The following ROCK1 variants were observed in gnomAD, a reference collection of about 807,000 sequenced individuals.
The protein encoded by ROCK1 is rho-associated protein kinase 1.
In ROCK1, 36 loss-of-function variants were observed where a neutral mutation model predicts 196.8. The observed-to-expected ratio is 0.18, with a 90% CI of 0.14 to 0.24. ROCK1 has a LOEUF of 0.24. Among genes scored for constraint, ROCK1 ranks in the 10% least tolerant of loss-of-function variants. The pLI is 1.00. For missense variants in ROCK1, 920 were observed against 1,562.0 expected (o/e 0.59, Z 6.93); for synonymous variants, 443 against 515.9 (o/e 0.86, Z 1.91).
At chr18:21,057,775 T>C (rs1394639065) in intron 2 of ROCK1, among the ~76,000 whole-genome samples, 1 of 152,080 alleles carries the variant, frequency 6.6e-6, no homozygotes, top group Admixed American at 6.5e-5. Flanking sequence ...AAGCCGAGTT[T>C]GGGCCACTGC....
At position 21,032,506 on chromosome 18, in the gene ROCK1, G is replaced by GTTTTTTTTTTT. The variant is rs368055407; in HGVS notation, c.1052-3582_1052-3572dup. Among the ~76,000 whole-genome samples, 377 of 129,162 alleles carry GTTTTTTTTTTT rather than the reference G, an allele frequency of 2.9e-3. 4 individuals carry two copies. Among genetic ancestry groups the GTTTTTTTTTTT allele is most frequent in the African/African-American group, 0.011 (366 of 34,248 alleles). The allele number at this position is 129,162 out of a possible 152,430, so 84.7% of individuals were successfully genotyped here. ...TATGACATAGAAAACAAATAGGAAAGTTTTTTTTTTTTTTTTTTGAGACAG... is the reference window on the plus strand; with the variant it reads ...TATGACATAGAAAACAAATAGGAAAGTTTTTTTTTTTTTTTTTTTTTTTTTTTTTGAGACAG... On this transcript the variant is annotated intron_variant, in intron 9 of 32. Transcript: ENST00000399799.
intron 19 of ROCK1, 36 bp from the exon 20 acceptor site, chr18:20,984,571 C>A: frequency 6.7e-7 from 1 of 1,492,902 alleles, no homozygotes; most frequent in East Asian, 2.3e-5. Flanking sequence ...TCTTAAATCT[C>A]TTAAATAATT....
intron 26 of ROCK1, 72 bp downstream of exon 26, chr18:20,967,680 A>G: frequency 8.7e-7 from 1 of 1,146,666 alleles, no homozygotes. Flanking sequence ...TAAATAGATA[A>G]CAAGTATATA....
rs188009794 is a variant in ROCK1, at chr18:21,041,976, G to A, written c.959+121C>T. On this transcript the variant is annotated intron_variant, in intron 8 of 32. Transcript: ENST00000399799. ...CTAGAATATCATAAAATTACATCAG[G>A]TTTCACTGTCATTTATATTCTAACA... The A allele has an allele frequency of 9.2e-5, 81 of 884,302 alleles. No homozygotes were observed. In the African/African-American group the frequency reaches 1.2e-3, roughly 13 times the overall value. The allele number at this position is 884,302 out of a possible 1,614,324, so 54.8% of individuals were successfully genotyped here.
intron 18 of ROCK1, among the ~76,000 whole-genome samples, chr18:20,990,502 T>C (rs2035614693): frequency 6.6e-6 from 1 of 151,478 alleles, no homozygotes; most frequent in Admixed American, 6.6e-5. Context: ...GAGACCAGCC[T>C]GTCCAACATA....
intron 1 of ROCK1, among the ~76,000 whole-genome samples, chr18:21,089,286 C>T (rs2036551191): frequency 6.6e-6 from 1 of 152,196 alleles, no homozygotes; most frequent in Admixed American, 6.5e-5. Context: ...TCTTGAACTC[C>T]TGGCCTCAGG....
intron 16 of ROCK1, among the ~76,000 whole-genome samples, chr18:20,997,407 T>C (rs1258625424): frequency 6.6e-6 from 1 of 152,176 alleles, no homozygotes; most frequent in African/African-American, 2.4e-5. Flanking sequence ...GAAAAGGTCA[T>C]AATGTAATGA....
intron 27 of ROCK1, among the ~76,000 whole-genome samples, chr18:20,963,163 T>G (rs2035342896): frequency 6.6e-6 from 1 of 152,088 alleles, no homozygotes; most frequent in African/African-American, 2.4e-5. Flanking sequence ...GCTCTAAATT[T>G]TATACAATAT....
intron 1 of ROCK1, among the ~76,000 whole-genome samples, chr18:21,074,710 T>A (rs1322802075): frequency 1.3e-5 from 2 of 152,236 alleles, no homozygotes; most frequent in Non-Finnish European, 2.9e-5. Flanking sequence ...TATTTCTAAA[T>A]CTGCCTCCTC....
intron 27 of ROCK1, among the ~76,000 whole-genome samples, chr18:20,963,231 G>C (rs1049279779): frequency 6.6e-6 from 1 of 152,028 alleles, no homozygotes; most frequent in South Asian, 2.1e-4. Context: ...CAATATCAGC[G>C]ATTTCTTTAC....
At chr18:21,109,866 C>T (rs1301467761) in intron 1 of ROCK1, among the ~76,000 whole-genome samples, 1 of 152,110 alleles carries the variant, frequency 6.6e-6, no homozygotes, top group Non-Finnish European at 1.5e-5. Flanking sequence ...TTGAGCATAT[C>T]TAACATTATT....
At chr18:21,097,114 A>G (rs2036619277) in intron 1 of ROCK1, among the ~76,000 whole-genome samples, 2 of 152,228 alleles carry the variant, frequency 1.3e-5, no homozygotes, top group South Asian at 2.1e-4. Context: ...AAGAAAATCC[A>G]GTAGAGCGCA....
At chr18:20,960,899 T>G (rs1218271636) in intron 27 of ROCK1, among the ~76,000 whole-genome samples, 2 of 152,144 alleles carry the variant, frequency 1.3e-5, no homozygotes, top group Non-Finnish European at 2.9e-5. Flanking sequence ...ACTAAAGAGT[T>G]TTAAAGCCTC....
At chr18:21,100,135 A>C (rs572111378) in intron 1 of ROCK1, among the ~76,000 whole-genome samples, 2 of 151,856 alleles carry the variant, frequency 1.3e-5, no homozygotes, top group Non-Finnish European at 2.9e-5. Flanking sequence ...GCACTTTTTA[A>C]GTACTGGAAA....
At chr18:20,998,264 A>G (rs1030070496) in intron 16 of ROCK1, among the ~76,000 whole-genome samples, 2 of 152,204 alleles carry the variant, frequency 1.3e-5, no homozygotes, top group African/African-American at 2.4e-5. Context: ...GATAATGAAA[A>G]CAAAACATAC....
At position 20,987,083 on chromosome 18, in the gene ROCK1, C is replaced by T. The variant is rs751860870; in HGVS notation, c.2171G>A (p.Arg724Lys). 17 of 1,611,662 alleles carry T rather than the reference C, an allele frequency of 1.1e-5. No individual in the cohort carries two copies. Among genetic ancestry groups the T allele is most frequent in the South Asian group, 5.6e-5 (5 of 90,042 alleles). ...ATTTTCAGCCTTCTCTCGAGCTTCT[C>T]TTTCTTCTTTCAGCTTTTTTTCCAT... is the stretch of plus-strand genomic sequence containing the variant. ...CEMEKKLKEE[R>K]EAREKAENRV... The change falls in exon 19 of 33, where the codon AGA (arginine) becomes AAA (lysine). Residue 724 changes from arginine (R) to lysine (K), a missense_variant. Around this residue, in one of 6 missense-constraint regions of ROCK1, gnomAD observed 520 missense variants for 657.1 expected, o/e 0.79. Coordinates refer to ENST00000399799, the MANE Select transcript of ROCK1 (RefSeq NM_005406.3).
At chr18:21,055,173 A>AACT (rs1478748739) in intron 2 of ROCK1, among the ~76,000 whole-genome samples, 1 of 152,136 alleles carries the variant, frequency 6.6e-6, no homozygotes, top group Non-Finnish European at 1.5e-5. Context: ...CCAACTCTCC[A>AACT]ACTACTCTAT....
At chr18:21,098,252 A>G (rs1219700951) in intron 1 of ROCK1, among the ~76,000 whole-genome samples, 1 of 152,244 alleles carries the variant, frequency 6.6e-6, no homozygotes, top group African/African-American at 2.4e-5. Flanking sequence ...GACCAATGGA[A>G]CAGAAGGTTA....
intron 29 of ROCK1, among the ~76,000 whole-genome samples, chr18:20,956,334 G>A (rs1457298185): frequency 6.6e-6 from 1 of 152,076 alleles, no homozygotes; most frequent in East Asian, 1.9e-4. Flanking sequence ...AAATGCTATG[G>A]AAATTGTTAT....
Sources: gnomAD v4.1 joint callset for allele counts (sites outside exome capture counted in the v4.1 genomes callset) on GRCh38, gnomAD v4.1.1 for gene constraint, gnomAD v4.1.1 regional missense constraint, MANE v1.5 for transcripts, NCBI Gene and HGNC (gene_info 2026-07-23, HGNC 2026-07-21) for gene names.